Variants in SLC35D4 observed in about 807,000 individuals in gnomAD.
SLC35D4 encodes UDP-N-acetylglucosamine transporter SLC35D4.
the SLC35D4 span, among the ~76,000 whole-genome samples, chr18:23,352,930 G>A: frequency 1.8e-4 from 27 of 152,336 alleles, no homozygotes; most frequent in Admixed American, 6.5e-4. Context: ...CAACAAGGGC[G>A]AGGGCACAGC....
At chr18:23,353,121 G>GTGTGTGTGTGTA in the SLC35D4 span, among the ~76,000 whole-genome samples, 4 of 146,982 alleles carry the variant, frequency 2.7e-5, no homozygotes, top group African/African-American at 7.6e-5. Flanking sequence ...GTGTGTGTGT[G>GTGTGTGTGTGTA]TATGTGAGAG....
chr18:23,266,932 G>A, the SLC35D4 span, among the ~76,000 whole-genome samples: 1 of 152,228 alleles, frequency 6.6e-6, no homozygotes, highest in South Asian at 2.1e-4. Context: ...CTGATGAGGG[G>A]CTGGTGGGCT....
the SLC35D4 span, among the ~76,000 whole-genome samples, chr18:23,411,933 G>T: frequency 6.6e-4 from 100 of 152,314 alleles, no homozygotes; most frequent in Non-Finnish European, 5.0e-4. Flanking sequence ...AGCTCTTCAT[G>T]GGTGCTGAAA....
the SLC35D4 span, among the ~76,000 whole-genome samples, chr18:23,299,107 A>G: frequency 1.3e-5 from 2 of 152,186 alleles, no homozygotes; most frequent in African/African-American, 2.4e-5. Flanking sequence ...TATAAAAACC[A>G]TATGTTTTAG....
the SLC35D4 span, among the ~76,000 whole-genome samples, chr18:23,320,226 C>CT: frequency 9.7e-4 from 147 of 152,210 alleles, no homozygotes; most frequent in African/African-American, 3.3e-3. Flanking sequence ...TTGTGTTTCA[C>CT]TTTGAGTATT....
At chr18:23,375,630 C>T in the SLC35D4 span, among the ~76,000 whole-genome samples, 1 of 152,056 alleles carries the variant, frequency 6.6e-6, no homozygotes, top group Non-Finnish European at 1.5e-5. Context: ...TGCTAGGGTG[C>T]CTGGAATAAA....
chr18:23,427,891 C>T, the SLC35D4 span, among the ~76,000 whole-genome samples: 1 of 152,040 alleles, frequency 6.6e-6, no homozygotes, highest in Non-Finnish European at 1.5e-5. Flanking sequence ...AAGCTGGAAA[C>T]CATCATTCTG....
chr18:23,239,082 TC>T, the SLC35D4 span, among the ~76,000 whole-genome samples: 4 of 152,222 alleles, frequency 2.6e-5, no homozygotes, highest in African/African-American at 9.6e-5. Flanking sequence ...TTTTATCTGA[TC>T]TTTTTTTTCT....
chr18:23,274,998 C>A, the SLC35D4 span, among the ~76,000 whole-genome samples: 39 of 38,816 alleles, frequency 1.0e-3, no homozygotes, highest in African/African-American at 1.7e-3. Flanking sequence ...TGTGTGTGAG[C>A]GTGCTTGTGT....
chr18:23,333,862 T>A, the SLC35D4 span, among the ~76,000 whole-genome samples: 1 of 152,178 alleles, frequency 6.6e-6, no homozygotes, highest in African/African-American at 2.4e-5. Flanking sequence ...AACCTGAGAC[T>A]TGAAAATAAT....
the SLC35D4 span, among the ~76,000 whole-genome samples, chr18:23,286,539 G>A: frequency 5.3e-5 from 8 of 152,062 alleles, 1 homozygote; most frequent in African/African-American, 7.2e-5. Flanking sequence ...GATGCTGCCC[G>A]ATCGCCTCGG....
At chr18:23,418,811 T>A in the SLC35D4 span, among the ~76,000 whole-genome samples, 2 of 151,632 alleles carry the variant, frequency 1.3e-5, no homozygotes, top group African/African-American at 2.4e-5. Context: ...ATTGAGACCA[T>A]CCTGGCTAAC....
the SLC35D4 span, among the ~76,000 whole-genome samples, chr18:23,273,360 G>A: frequency 6.6e-6 from 1 of 152,340 alleles, no homozygotes; most frequent in African/African-American, 2.4e-5. Context: ...GGATGACACT[G>A]GGACGGTGAA....
At chr18:23,320,053 T>A in the SLC35D4 span, among the ~76,000 whole-genome samples, 2 of 105,946 alleles carry the variant, frequency 1.9e-5, no homozygotes, top group African/African-American at 4.1e-5. Context: ...GTGAATAGTT[T>A]TACAAAATTC....
chr18:23,409,659 A>G, the SLC35D4 span, among the ~76,000 whole-genome samples: 1 of 152,118 alleles, frequency 6.6e-6, no homozygotes, highest in Non-Finnish European at 1.5e-5. Context: ...TGGCCAATGT[A>G]TAGTAAAACA....
chr18:23,301,792 C>A, the SLC35D4 span, among the ~76,000 whole-genome samples: 1 of 152,134 alleles, frequency 6.6e-6, no homozygotes, highest in Non-Finnish European at 1.5e-5. Flanking sequence ...CAGTATCTTT[C>A]TCTTTTGTAT....
the SLC35D4 span, among the ~76,000 whole-genome samples, chr18:23,350,447 T>TACTTTCTGCTAGCTCTTTC: frequency 6.6e-6 from 1 of 152,224 alleles, no homozygotes; most frequent in Non-Finnish European, 1.5e-5. Context: ...CCCTGGCTTT[T>TACTTTCTGCTAGCTCTTTC]ACTTTCTGCT....
At chr18:23,282,308 GACTC>G in the SLC35D4 span, among the ~76,000 whole-genome samples, 1 of 152,200 alleles carries the variant, frequency 6.6e-6, no homozygotes, top group South Asian at 2.1e-4. Flanking sequence ...AGTTCCTTCA[GACTC>G]CCCCCCAGTT....
the SLC35D4 span, among the ~76,000 whole-genome samples, chr18:23,293,037 C>G: frequency 6.6e-6 from 1 of 152,038 alleles, no homozygotes; most frequent in African/African-American, 2.4e-5. Context: ...GTCAGGAGTT[C>G]GGGACCAGCC....
Sources: allele counts gnomAD v4.1 joint callset (sites outside exome capture counted in the v4.1 genomes callset), GRCh38; gene constraint gnomAD v4.1.1; transcripts MANE v1.5; gene names NCBI Gene and HGNC (gene_info 2026-07-23, HGNC 2026-07-21).